CDH23: variants seen among roughly 807,000 people sequenced by gnomAD.
CDH23 encodes the protein cadherin related 23.
CDH23 carries 189 observed loss-of-function variants against 317.1 expected under a neutral mutation model. The observed-to-expected ratio is 0.60, with a 90% CI of 0.53 to 0.67. The LOEUF is 0.67. Among genes scored for constraint, CDH23 ranks in the 30% least tolerant of loss-of-function variants. CDH23 has a pLI of 0.00. For synonymous variants in CDH23, 1,839 were observed against 1,876.8 expected (o/e 0.98, Z 0.52); for missense variants, 4,401 against 4,592.4 (o/e 0.96, Z 1.20).
chr10:71,505,414 A>G (rs1302349471), intron 3 of CDH23, among the ~76,000 whole-genome samples: 1 of 152,234 alleles, frequency 6.6e-6, no homozygotes, highest in Non-Finnish European at 1.5e-5. Flanking sequence ...GATGATAGCT[A>G]ACATTTTTTA....
intron 18 of CDH23, 65 bp downstream of exon 18, chr10:71,682,637 C>G: frequency 6.3e-7 from 1 of 1,585,996 alleles, no homozygotes; most frequent in Non-Finnish European, 8.6e-7. Flanking sequence ...TTCCTGTGAA[C>G]CCAGTACTGT....
At chr10:71,700,687 C>A (rs1865547595) in intron 22 of CDH23, among the ~76,000 whole-genome samples, 1 of 152,226 alleles carries the variant, frequency 6.6e-6, no homozygotes, top group Non-Finnish European at 1.5e-5. Context: ...GAGGGCCGAG[C>A]AGTCCCTGGT....
chr10:71,421,827 C>CGTGT (rs138169723), intron 1 of CDH23, among the ~76,000 whole-genome samples: 214 of 148,232 alleles, frequency 1.4e-3, no homozygotes, highest in East Asian at 9.5e-3. Flanking sequence ...TGTGAGGAAG[C>CGTGT]GTGTGTGTGT....
At chr10:71,432,527 T>C (rs1849443129) in intron 1 of CDH23, among the ~76,000 whole-genome samples, 1 of 151,724 alleles carries the variant, frequency 6.6e-6, no homozygotes, top group South Asian at 2.1e-4. Context: ...AGTGTGTGGG[T>C]GAGTGTGTGA....
At chr10:71,475,732 G>A (rs973777650) in intron 3 of CDH23, among the ~76,000 whole-genome samples, 1 of 152,212 alleles carries the variant, frequency 6.6e-6, no homozygotes, top group Non-Finnish European at 1.5e-5. Context: ...GGAGGATCTG[G>A]CCAGTGACAG....
chr10:71,779,128 C>T, intron 40 of CDH23, 139 bp from the exon 41 acceptor site: 1 of 758,222 alleles, frequency 1.3e-6, no homozygotes, highest in South Asian at 1.6e-5. Context: ...AAAGCCCCAC[C>T]CATATCCGAC....
At chr10:71,696,243 C>T (rs142273334) in intron 22 of CDH23, among the ~76,000 whole-genome samples, 281 of 152,334 alleles carry the variant, frequency 1.8e-3, no homozygotes, top group African/African-American at 2.8e-3. Flanking sequence ...CTGTACACCA[C>T]GTGGCCTTAC....
chr10:71,542,489 T>C (rs543014259), intron 6 of CDH23, among the ~76,000 whole-genome samples: 1 of 152,338 alleles, frequency 6.6e-6, no homozygotes, highest in African/African-American at 2.4e-5. Flanking sequence ...CCACCTCCGA[T>C]GGCAGGACTC....
At chr10:71,586,565 C>A (rs568372239) in intron 9 of CDH23, among the ~76,000 whole-genome samples, 2 of 152,230 alleles carry the variant, frequency 1.3e-5, no homozygotes, top group South Asian at 4.1e-4. Context: ...ATCACCCATG[C>A]CTTACCTCGC....
chr10:71,615,372 T>A, intron 9 of CDH23, 132 bp from the exon 10 acceptor site: 1 of 704,826 alleles, frequency 1.4e-6, no homozygotes, highest in Non-Finnish European at 2.6e-6. Flanking sequence ...GAACCAGCAT[T>A]CATTTCAAGT....
At chr10:71,643,288 T>G (rs1383337066) in intron 11 of CDH23, among the ~76,000 whole-genome samples, 1 of 152,116 alleles carries the variant, frequency 6.6e-6, no homozygotes, top group Non-Finnish European at 1.5e-5. Context: ...CCTGGGAGGT[T>G]TGTCAGTACC....
chr10:71,677,131 C>T (rs1864404800), intron 15 of CDH23, among the ~76,000 whole-genome samples: 2 of 152,144 alleles, frequency 1.3e-5, no homozygotes, highest in African/African-American at 2.4e-5. Context: ...CACGTTTTTA[C>T]CCTCACAGTT....
chr10:71,472,221 G>A (rs1417277216), intron 3 of CDH23, among the ~76,000 whole-genome samples: 1 of 152,202 alleles, frequency 6.6e-6, no homozygotes, highest in Non-Finnish European at 1.5e-5. Flanking sequence ...CAGGAGACTG[G>A]ATGGTGGGAG....
chr10:71,510,780 A>T (rs960749795), intron 4 of CDH23, among the ~76,000 whole-genome samples, 174 bp from the exon 5 acceptor site: 5 of 152,000 alleles, frequency 3.3e-5, no homozygotes, highest in Non-Finnish European at 5.9e-5. Flanking sequence ...CATATTCCAC[A>T]CCTGCTTCCC....
intron 17 of CDH23, among the ~76,000 whole-genome samples, chr10:71,680,810 C>CTTTTTTTTTTTTTTTTTTTTTTTTTT (rs562449159): frequency 9.9e-6 from 1 of 100,564 alleles, no homozygotes. Context: ...CTCTGTCTTT[C>CTTTTTTTTTTTTTTTTTTTTTTTTTT]TTTTTTTTTT....
rs537362222 is a variant in CDH23 at position 71,600,069 on chromosome 10, C to A, written c.833-15435C>A. ...CCAGGCTGGAGTGCAATGATGCGAT[C>A]TCGGCTTACTGCAACCTCCGCCTCC... On this transcript the variant is annotated intron_variant, in intron 9 of 69. Coordinates refer to ENST00000224721, the MANE Select transcript of CDH23 (RefSeq NM_022124.6). Among the ~76,000 whole-genome samples the A allele has an allele frequency of 3.1e-5, 4 of 130,454 alleles. No homozygotes were observed. In the East Asian group the frequency reaches 1.0e-3, roughly 33 times the overall value. The allele number at this position is 130,454 out of a possible 152,430, so 85.6% of individuals were successfully genotyped here. A position where few individuals can be genotyped will look rare whatever the true frequency, so the allele number is the denominator to read the frequency against.
chr10:71,562,952 C>T (rs1394456125), intron 6 of CDH23, among the ~76,000 whole-genome samples: 1 of 152,194 alleles, frequency 6.6e-6, no homozygotes, highest in African/African-American at 2.4e-5. Flanking sequence ...TTTAATTTCT[C>T]AGGCCCCACC....
intron 6 of CDH23, among the ~76,000 whole-genome samples, chr10:71,524,374 C>T (rs765393809): frequency 5.9e-5 from 9 of 152,218 alleles, no homozygotes; most frequent in Admixed American, 1.3e-4. Context: ...CCTTGGTGTG[C>T]TCTCTTCCAA....
Position 71,646,617 on chromosome 10 carries a change from G to A in CDH23, c.1449G>A (p.Leu483=), listed in dbSNP as rs368830397. ...VTVGTSVLTV[L]ATDNDAGTFG... ...TGGGGACCTCTGTGCTGACAGTCCT[G>A]GTGAGTCCCCGCTTCACTGCAGGGC... The change falls in exon 14 of 70, where the codon CTG becomes CTA. Residue 483 remains leucine, a splice_region_variant and synonymous_variant. Transcript: ENST00000224721. 4 of 1,613,854 alleles carry A rather than the reference G, an allele frequency of 2.5e-6. No homozygotes were observed. In the African/African-American group the frequency reaches 5.3e-5, roughly 22 times the overall value.
Sources: gnomAD v4.1 joint callset for allele counts (sites outside exome capture counted in the v4.1 genomes callset) on GRCh38, gnomAD v4.1.1 for gene constraint, MANE v1.5 for transcripts, NCBI Gene and HGNC (gene_info 2026-07-23, HGNC 2026-07-21) for gene names.